PRKN: variants seen among roughly 807,000 people sequenced by gnomAD.
PRKN encodes the protein E3 ubiquitin-protein ligase parkin.
In PRKN, 56 loss-of-function variants were observed where a neutral mutation model predicts 59.5. The observed-to-expected ratio is 0.94, with a 90% CI of 0.76 to 1.18. The LOEUF (loss-of-function observed/expected upper bound fraction) is 1.18, where lower values mean the gene tolerates loss of function less well. Ranked by LOEUF, PRKN falls within the 50% of genes most tolerant of loss-of-function variation. PRKN has a pLI of 0.00. For missense variants in PRKN, 657 were observed against 596.4 expected, an observed-to-expected ratio of 1.10 and a Z score of -1.06; for synonymous variants, 250 against 222.1, an observed-to-expected ratio of 1.13 and a Z score of -1.12.
At chr6:161,804,467 A>G (rs1791223277) in intron 6 of PRKN, among the ~76,000 whole-genome samples, 1 of 152,136 alleles carries the variant, frequency 6.6e-6, no homozygotes, top group Non-Finnish European at 1.5e-5. Flanking sequence ...GACATCTGAA[A>G]TCTGCCTCTG....
intron 7 of PRKN, among the ~76,000 whole-genome samples, chr6:161,665,801 T>G (rs1784705839): frequency 1.3e-5 from 2 of 152,174 alleles, no homozygotes; most frequent in South Asian, 4.1e-4. Context: ...GAACGCCCAT[T>G]GTGTGAAACG....
intron 2 of PRKN, among the ~76,000 whole-genome samples, chr6:162,418,820 G>A (rs1204234552): frequency 6.6e-6 from 1 of 151,816 alleles, no homozygotes; most frequent in African/African-American, 2.4e-5. Context: ...GAGGGCTCCT[G>A]TCAGCAGACC....
At position 162,320,428 on chromosome 6, in the gene PRKN, A is replaced by G. The variant is rs1408067720; in HGVS notation, c.172-57663T>C. Among the ~76,000 whole-genome samples, 6 of 149,610 alleles carry G rather than the reference A, an allele frequency of 4.0e-5. 1 individual carries two copies. Among genetic ancestry groups the G allele is most frequent in the Admixed American group, 4.0e-4 (6 of 15,016 alleles). On this transcript the variant is annotated intron_variant, in intron 2 of 11. Coordinates refer to ENST00000366898, the MANE Select transcript of PRKN (RefSeq NM_004562.3). ...AACAAGCAAAAAAAACCAAAAAAAA[A>G]AAAAACCCCACAAAATTTCAAGATA...
intron 2 of PRKN, among the ~76,000 whole-genome samples, chr6:162,420,061 T>G (rs1788873344): frequency 6.6e-6 from 1 of 152,026 alleles, no homozygotes; most frequent in African/African-American, 2.4e-5. Flanking sequence ...TGCACCTTAT[T>G]TCTATTATTT....
At chr6:162,511,170 G>A (rs1170027199) in intron 1 of PRKN, among the ~76,000 whole-genome samples, 1 of 150,950 alleles carries the variant, frequency 6.6e-6, no homozygotes, top group Non-Finnish European at 1.5e-5. Context: ...CCTTTTATAT[G>A]TTTTCTTTGT....
At chr6:162,716,523 T>C (rs1400034086) in intron 1 of PRKN, among the ~76,000 whole-genome samples, 2 of 152,190 alleles carry the variant, frequency 1.3e-5, no homozygotes, top group African/African-American at 4.8e-5. Flanking sequence ...GCTTCCACTT[T>C]GCCTGATCAT....
intron 5 of PRKN, among the ~76,000 whole-genome samples, chr6:161,990,408 A>T (rs1421329275): frequency 1.3e-5 from 2 of 152,236 alleles, no homozygotes; most frequent in East Asian, 3.8e-4. Flanking sequence ...TTTCTAAAAA[A>T]GCCAATCCAT....
intron 4 of PRKN, among the ~76,000 whole-genome samples, chr6:162,144,501 C>G (rs556639000): frequency 6.6e-6 from 1 of 152,256 alleles, no homozygotes; most frequent in East Asian, 1.9e-4. Flanking sequence ...GTCAGAAGAT[C>G]AGCTGGTGTA....
At chr6:162,597,293 C>A (rs1012788346) in intron 1 of PRKN, among the ~76,000 whole-genome samples, 1 of 152,094 alleles carries the variant, frequency 6.6e-6, no homozygotes, top group African/African-American at 2.4e-5. Context: ...TAGGCCAAAC[C>A]TGGCAAGTCG....
chr6:161,381,666 T>A (rs1358129709), intron 10 of PRKN, among the ~76,000 whole-genome samples: 1 of 152,206 alleles, frequency 6.6e-6, no homozygotes, highest in Non-Finnish European at 1.5e-5. Flanking sequence ...TCTATTCTTT[T>A]CCTGTACTTA....
rs952489360 is a variant in PRKN, at chr6:161,470,520, C to T, written c.1083+78334G>A. ...ACTCCCAGTCTAACCCTTTGACCCA[C>T]TCAAGAGATGTCCTATGTCTTAGAG... is the stretch of plus-strand genomic sequence containing the variant. On this transcript the variant is annotated intron_variant, in intron 9 of 11. Coordinates refer to ENST00000366898, the MANE Select transcript of PRKN (RefSeq NM_004562.3). The surrounding 1 kb of genome is among the most constrained non-coding windows in gnomAD (Gnocchi z 5.1). Among the ~76,000 whole-genome samples, 1 of 152,348 alleles carries T rather than the reference C, an allele frequency of 6.6e-6. No individual in the cohort carries two copies. Among genetic ancestry groups the T allele is most frequent in the Middle Eastern group, 3.4e-3 (1 of 294 alleles).
In PRKN at chr6:161,359,100, T is replaced by C. The variant is rs1359331015; in HGVS notation, c.1285+988A>G. On this transcript the variant is annotated intron_variant, in intron 11 of 11. Coordinates refer to ENST00000366898, the MANE Select transcript of PRKN (RefSeq NM_004562.3). The surrounding 1 kb of genome is among the most constrained non-coding windows in gnomAD (Gnocchi z 5.4). Reference sequence around the variant, plus strand: ...TGAGCCACCGCGCCCGGCCGCCTTCTGCTCTTTATAGGTGCATGCCAATCC... The same window carrying C: ...TGAGCCACCGCGCCCGGCCGCCTTCCGCTCTTTATAGGTGCATGCCAATCC... Among the ~76,000 whole-genome samples the C allele has an allele frequency of 6.6e-6, 1 of 152,150 alleles. No individual in the cohort carries two copies. Among genetic ancestry groups the C allele is most frequent in the Non-Finnish European group, 1.5e-5 (1 of 68,022 alleles).
rs1786253625 is a variant in PRKN at position 161,386,509 on chromosome 6, CT to C, written c.1167+284del. ...ACACTGTTAAGTTGTTTTATTTCCC[CT>C]CTAAGGACTCCTTTGAAAATGCTCA... On this transcript the variant is annotated intron_variant, in intron 10 of 11. Coordinates refer to ENST00000366898, the MANE Select transcript of PRKN (RefSeq NM_004562.3). The surrounding 1 kb of genome is among the most constrained non-coding windows in gnomAD (Gnocchi z 4.3). 6.6e-6 allele frequency among the ~76,000 whole-genome samples: 1 copy of C among 152,192 alleles called. No individual in the cohort carries two copies. The highest frequency in any genetic ancestry group is 2.1e-4 in the South Asian group (1 of 4,824).
At chr6:161,851,427 T>C (rs529862520) in intron 6 of PRKN, among the ~76,000 whole-genome samples, 1 of 152,250 alleles carries the variant, frequency 6.6e-6, no homozygotes, top group African/African-American at 2.4e-5. Context: ...GATTACTATA[T>C]TATGTTTCAG....
At chr6:162,012,979 T>C (rs907547202) in intron 5 of PRKN, among the ~76,000 whole-genome samples, 6 of 152,162 alleles carry the variant, frequency 3.9e-5, no homozygotes, top group Non-Finnish European at 8.8e-5. Flanking sequence ...ATAAGTGTTT[T>C]CTGGGGCGAC....
chr6:162,468,010 T>A (rs1295743673), intron 1 of PRKN, among the ~76,000 whole-genome samples: 1 of 152,174 alleles, frequency 6.6e-6, no homozygotes, highest in Non-Finnish European at 1.5e-5. Flanking sequence ...CCACCCTAAT[T>A]AAGCAGCCTC....
chr6:161,706,838 G>A (rs542245448), intron 7 of PRKN, among the ~76,000 whole-genome samples: 28 of 152,276 alleles, frequency 1.8e-4, no homozygotes, highest in African/African-American at 5.5e-4. Context: ...GATTACAGGC[G>A]TGAGCCACCA....
intron 9 of PRKN, among the ~76,000 whole-genome samples, chr6:161,403,002 C>T (rs1291125229): frequency 3.3e-5 from 5 of 152,122 alleles, no homozygotes; most frequent in Admixed American, 2.0e-4. Context: ...AGGCCCTCCC[C>T]GAATTTGCTG....
In PRKN at chr6:162,458,846, T is replaced by C. The variant is rs73606364; in HGVS notation, c.8-15373A>G. Among the ~76,000 whole-genome samples the C allele has an allele frequency of 6.7e-3, 1,016 of 152,248 alleles. 12 individuals are homozygous for C. Among genetic ancestry groups the C allele is most frequent in the African/African-American group, 0.023 (973 of 41,548 alleles). On this transcript the variant is annotated intron_variant, in intron 1 of 11. Transcript: ENST00000366898. Reference sequence around the variant, plus strand: ...TTTGTTTTGTTTTTAAGACAGGGTCTCACTCTGTCACTAAGGCTGGAGTAT... The same window carrying C: ...TTTGTTTTGTTTTTAAGACAGGGTCCCACTCTGTCACTAAGGCTGGAGTAT...
Sources: gnomAD v4.1 joint callset for allele counts (sites outside exome capture counted in the v4.1 genomes callset) on GRCh38, gnomAD v4.1.1 for gene constraint, Gnocchi (gnomAD v3.1) non-coding constraint, MANE v1.5 for transcripts, NCBI Gene and HGNC (gene_info 2026-07-23, HGNC 2026-07-21) for gene names.